The following CFAP77 variants were observed in gnomAD, a reference collection of about 807,000 sequenced individuals.
CFAP77 encodes the protein cilia- and flagella-associated protein 77.
Under a neutral mutation model 31.1 loss-of-function variants are expected in CFAP77, and 25 were observed. That is an observed-to-expected ratio of 0.80 (90% CI 0.59 to 1.12). The LOEUF (loss-of-function observed/expected upper bound fraction) is 1.12. Ranked by LOEUF, CFAP77 falls within the 50% of genes most tolerant of loss-of-function variation. CFAP77 has a pLI of 0.00. For synonymous variants in CFAP77, 151 were observed against 159.9 expected (o/e 0.94, Z 0.42); for missense variants, 377 against 397.3 (o/e 0.95, Z 0.44).
intron 3 of CFAP77, among the ~76,000 whole-genome samples, chr9:132,530,298 G>GTCTC (rs199847508): frequency 6.7e-6 from 1 of 149,054 alleles, no homozygotes; most frequent in Non-Finnish European, 1.5e-5. Context: ...TTGAGACGGA[G>GTCTC]TCTCTCTCTC....
intron 3 of CFAP77, among the ~76,000 whole-genome samples, chr9:132,502,479 A>G (rs1461178372): frequency 6.6e-6 from 1 of 152,034 alleles, no homozygotes; most frequent in African/African-American, 2.4e-5. Context: ...CTCTTTCCCT[A>G]TTAAACACAA....
rs1311274930 is a variant in CFAP77 at position 132,554,931 on chromosome 9, TCCATCCAC to T, written c.732+11892_732+11899del. 7.1e-4 allele frequency among the ~76,000 whole-genome samples: 97 copies of T among 137,436 alleles called. No individual in the cohort carries two copies. The highest frequency in any genetic ancestry group is 1.8e-3 in the African/African-American group (61 of 33,888). The allele number at this position is 137,436 out of a possible 152,430, so 90.2% of individuals were successfully genotyped here. On this transcript the variant is annotated intron_variant, in intron 5 of 5. Coordinates refer to ENST00000393216, the MANE Select transcript of CFAP77 (RefSeq NM_001282957.2). This position sits in a 1 kb window ranked among gnomAD's most constrained non-coding sequence, Gnocchi z 4.1. ...ATCTATGCATGCATGCATGCATCCA[TCCATCCAC>T]CCATCCATCCATCCATCCATCCATC...
chr9:132,440,437 A>G (rs1850598078), intron 1 of CFAP77, among the ~76,000 whole-genome samples: 1 of 152,162 alleles, frequency 6.6e-6, no homozygotes, highest in Non-Finnish European at 1.5e-5. Context: ...TCTCTCATCA[A>G]ATCCTCTTAA....
chr9:132,427,290 GCT>G (rs902783383), intron 1 of CFAP77, among the ~76,000 whole-genome samples: 14 of 152,106 alleles, frequency 9.2e-5, no homozygotes, highest in African/African-American at 2.4e-4. Flanking sequence ...CAGCACCAAC[GCT>G]CTGTTTTTTC....
intron 3 of CFAP77, among the ~76,000 whole-genome samples, chr9:132,519,558 GGATGGATGGATGGATA>G (rs1852221241): frequency 7.3e-6 from 1 of 137,094 alleles, no homozygotes; most frequent in Non-Finnish European, 1.6e-5. Context: ...ATGGATGAAT[GGATGGATGGATGGATA>G]GATGGATGGA....
In CFAP77 at chr9:132,561,371, C is replaced by G. The variant is rs563895459; in HGVS notation, c.733-11017C>G. ...TATTTTTTTAAATCTGTTTTCCCCC[C>G]CCAAATCCTCCCTTTTGCCTTGTTA... On this transcript the variant is annotated intron_variant, in intron 5 of 5. Transcript: ENST00000393216. Among the ~76,000 whole-genome samples, 15 of 151,726 alleles carry G rather than the reference C, an allele frequency of 9.9e-5. No homozygotes were observed. The East Asian group carries it at 2.5e-3, about 26-fold the overall frequency.
intron 3 of CFAP77, among the ~76,000 whole-genome samples, chr9:132,520,129 T>C (rs1392102243): frequency 6.9e-6 from 1 of 144,586 alleles, no homozygotes; most frequent in Non-Finnish European, 1.5e-5. Flanking sequence ...TCTGGCATCA[T>C]GCCCCCTCCC....
At chr9:132,558,617 A>G (rs1852941376) in intron 5 of CFAP77, among the ~76,000 whole-genome samples, 2 of 152,134 alleles carry the variant, frequency 1.3e-5, no homozygotes, top group East Asian at 3.8e-4. Flanking sequence ...AGGCAGGAGA[A>G]TCACTTGAAT....
At chr9:132,438,535 A>ATTT (rs1850551538) in intron 1 of CFAP77, among the ~76,000 whole-genome samples, 1 of 107,964 alleles carries the variant, frequency 9.3e-6, no homozygotes, top group Non-Finnish European at 1.8e-5. Context: ...ATATATATAT[A>ATTT]TATATATTTT....
Position 132,548,676 on chromosome 9 carries a change from T to TGG in CFAP77, c.732+5630_732+5631dup, listed in dbSNP as rs200657523. On this transcript the variant is annotated intron_variant, in intron 5 of 5. Coordinates refer to ENST00000393216, the MANE Select transcript of CFAP77 (RefSeq NM_001282957.2). ...GGGGCTTGCCCAAGCATCTGTTGGC[T>TGG]GGCGGGGGGGTCTCCACATTCCCCT... 5.3e-4 allele frequency among the ~76,000 whole-genome samples: 65 copies of TGG among 122,680 alleles called. 1 individual carries two copies. Among genetic ancestry groups the TGG allele is most frequent in the African/African-American group, 1.9e-3 (61 of 32,658 alleles). 80.5% of individuals were successfully genotyped at this position (122,680 alleles called of 152,430 possible). A position where few individuals can be genotyped will look rare whatever the true frequency, so the allele number is the denominator to read the frequency against.
At chr9:132,559,346 C>CAAAAAGAAAAAAAAAAAAAAAAAAAA (rs1852958110) in intron 5 of CFAP77, among the ~76,000 whole-genome samples, 1 of 56,082 alleles carries the variant, frequency 1.8e-5, no homozygotes, top group Non-Finnish European at 3.2e-5. Flanking sequence ...CTCTGTCTTG[C>CAAAAAGAAAAAAAAAAAAAAAAAAAA]AAAAAAAAAA....
chr9:132,485,183 A>T (rs527445793), intron 1 of CFAP77, among the ~76,000 whole-genome samples: 47 of 152,364 alleles, frequency 3.1e-4, no homozygotes, highest in African/African-American at 1.1e-3. Context: ...GGAGCTGCTG[A>T]TAATTCAAAA....
intron 5 of CFAP77, among the ~76,000 whole-genome samples, chr9:132,546,992 G>A (rs1852743482): frequency 6.6e-6 from 1 of 152,258 alleles, no homozygotes; most frequent in Non-Finnish European, 1.5e-5. Flanking sequence ...AACCCAGGGT[G>A]AGCCAGCAGG....
intron 5 of CFAP77, among the ~76,000 whole-genome samples, chr9:132,561,652 CACA>C (rs1829810678): frequency 3.9e-5 from 4 of 102,760 alleles, no homozygotes; most frequent in African/African-American, 3.3e-4. Context: ...CACACACACA[CACA>C]CACACACCCC....
intron 1 of CFAP77, among the ~76,000 whole-genome samples, chr9:132,472,801 C>T (rs962194844): frequency 6.6e-6 from 1 of 152,036 alleles, no homozygotes; most frequent in Non-Finnish European, 1.5e-5. Context: ...AACAATGGCT[C>T]GGATTAACTC....
In CFAP77 at chr9:132,572,781, T is replaced by C. The variant is rs1415622865; in HGVS notation, c.*271T>C. ...TCCTAGGGCAGGCTCACCCTGCCTC[T>C]TCTCAAGCCCTCACCTGCCAAGACA... On this transcript the variant is annotated 3_prime_UTR_variant, in exon 6 of 6. Coordinates refer to ENST00000393216, the MANE Select transcript of CFAP77 (RefSeq NM_001282957.2). The C allele has an allele frequency of 1.3e-5, 6 of 469,816 alleles. No homozygotes were observed. The East Asian group carries it at 2.2e-4, about 17-fold the overall frequency. 29.1% of individuals were successfully genotyped at this position (469,816 alleles called of 1,614,324 possible).
intron 1 of CFAP77, among the ~76,000 whole-genome samples, chr9:132,464,605 T>C (rs761287701): frequency 2.6e-5 from 4 of 152,208 alleles, no homozygotes; most frequent in African/African-American, 4.8e-5. Flanking sequence ...GTAATCAATA[T>C]AAAATTATTA....
chr9:132,468,250 G>A (rs756809157), intron 1 of CFAP77, among the ~76,000 whole-genome samples: 3 of 152,154 alleles, frequency 2.0e-5, no homozygotes, highest in Non-Finnish European at 4.4e-5. Context: ...GGAGGCTGAG[G>A]GGGGAGGATT....
At chr9:132,478,312 T>C (rs1379450708) in intron 1 of CFAP77, among the ~76,000 whole-genome samples, 3 of 152,158 alleles carry the variant, frequency 2.0e-5, no homozygotes, top group African/African-American at 7.2e-5. Context: ...TGGGGAGTCC[T>C]GAATGGCAGC....
Sources: allele counts gnomAD v4.1 joint callset (sites outside exome capture counted in the v4.1 genomes callset), GRCh38; gene constraint gnomAD v4.1.1; non-coding constraint Gnocchi (gnomAD v3.1); transcripts MANE v1.5; gene names NCBI Gene and HGNC (gene_info 2026-07-23, HGNC 2026-07-21).